Variants in HMGN3 observed in about 807,000 individuals in gnomAD.
HMGN3 encodes high mobility group nucleosome-binding domain-containing protein 3.
In HMGN3, 6 loss-of-function variants were observed where a neutral mutation model predicts 18.8. The ratio of observed to expected loss-of-function variants is 0.32; its 90% confidence interval spans 0.18 to 0.63. The LOEUF is 0.63. Among genes scored for constraint, HMGN3 ranks in the 30% least tolerant of loss-of-function variants. HMGN3 has a pLI of 0.79. For synonymous variants in HMGN3, 40 were observed against 36.5 expected (o/e 1.10, Z -0.35); for missense variants, 107 against 114.2 (o/e 0.94, Z 0.29).
intron 1 of HMGN3, among the ~76,000 whole-genome samples, chr6:79,230,938 A>T (rs955381853): frequency 1.3e-5 from 2 of 152,192 alleles, no homozygotes; most frequent in Non-Finnish European, 2.9e-5. Context: ...CCCTGTGCTA[A>T]TAAGCCCAAT....
intron 2 of HMGN3, among the ~76,000 whole-genome samples, chr6:79,213,870 C>T (rs1351939030): frequency 6.6e-6 from 1 of 152,172 alleles, no homozygotes; most frequent in African/African-American, 2.4e-5. Flanking sequence ...GTTTTTGTCT[C>T]ACCCATGACC....
chr6:79,231,429 C>G (rs1284633767), intron 1 of HMGN3, among the ~76,000 whole-genome samples: 1 of 152,136 alleles, frequency 6.6e-6, no homozygotes, highest in Non-Finnish European at 1.5e-5. Flanking sequence ...ACAGGAAACT[C>G]ACTTTTATTT....
At chr6:79,228,083 C>G (rs1777649175) in intron 1 of HMGN3, among the ~76,000 whole-genome samples, 2 of 152,334 alleles carry the variant, frequency 1.3e-5, no homozygotes, top group South Asian at 4.1e-4. Flanking sequence ...GAACAACACT[C>G]TTTCGCAGTG....
chr6:79,203,574 T>C lies in HMGN3; in HGVS notation c.147+6A>G. The C allele has an allele frequency of 6.2e-7, 1 of 1,612,404 alleles. No individual in the cohort carries two copies. ...AAAGCCAAAAGTGGGAAACAGCACT[T>C]CTTACCTTAGCAGATGTTTTTCTTG... On this transcript the variant is annotated splice_donor_region_variant and intron_variant, in intron 4 of 5. Transcript: ENST00000344726.
chr6:79,202,036 T>C, intron 5 of HMGN3, 27 bp downstream of exon 6: 1 of 1,530,468 alleles, frequency 6.5e-7, no homozygotes, highest in Non-Finnish European at 8.7e-7. Flanking sequence ...ACTGCAAACA[T>C]GCAGAATTTT....
intron 1 of HMGN3, among the ~76,000 whole-genome samples, chr6:79,231,908 G>C (rs899080347): frequency 6.6e-6 from 1 of 152,118 alleles, no homozygotes. Context: ...AGTTCCAAGA[G>C]GGCAAAAACT....
At chr6:79,204,888 TAA>T (rs1381318608) in intron 3 of HMGN3, among the ~76,000 whole-genome samples, 1 of 152,236 alleles carries the variant, frequency 6.6e-6, no homozygotes, top group African/African-American at 2.4e-5. Context: ...TTTCAGAATT[TAA>T]AACATTTTGT....
chr6:79,212,166 A>AG (rs1366250382), intron 2 of HMGN3, among the ~76,000 whole-genome samples: 2 of 152,156 alleles, frequency 1.3e-5, no homozygotes, highest in Admixed American at 1.3e-4. Flanking sequence ...CTGGATTACC[A>AG]GATTTTTAGG....
intron 1 of HMGN3, among the ~76,000 whole-genome samples, chr6:79,232,512 T>C (rs929288719): frequency 6.6e-6 from 1 of 152,098 alleles, no homozygotes; most frequent in African/African-American, 2.4e-5. Flanking sequence ...GTTTTGCCCC[T>C]AGTCTCAGGA....
exon 1 of HMGN3, chr6:79,234,639 C>G (rs981793981): frequency 7.2e-7 from 1 of 1,383,428 alleles, no homozygotes; most frequent in Non-Finnish European, 1.0e-6. Flanking sequence ...GCCTCTGCCT[C>G]TGCAGCTGCT....
At chr6:79,212,420 ACTCT>A (rs1776740908) in intron 2 of HMGN3, among the ~76,000 whole-genome samples, 1 of 151,816 alleles carries the variant, frequency 6.6e-6, no homozygotes. Context: ...ATTTTATTTT[ACTCT>A]CTCTCCCACT....
intron 2 of HMGN3, among the ~76,000 whole-genome samples, chr6:79,210,635 A>G (rs1487798401): frequency 6.6e-6 from 1 of 152,110 alleles, no homozygotes; most frequent in African/African-American, 2.4e-5. Context: ...ACTTGTAGGG[A>G]GGGGAAGAAG....
At chr6:79,213,578 G>T (rs1203623956) in intron 2 of HMGN3, among the ~76,000 whole-genome samples, 1 of 152,098 alleles carries the variant, frequency 6.6e-6, no homozygotes, top group East Asian at 1.9e-4. Flanking sequence ...TCATTTTTTG[G>T]TTGGTTCTTG....
chr6:79,224,359 GC>G (rs750257504), intron 1 of HMGN3, among the ~76,000 whole-genome samples: 1 of 152,176 alleles, frequency 6.6e-6, no homozygotes, highest in Non-Finnish European at 1.5e-5. Context: ...CTTGGGAAAT[GC>G]TTTAACCTGT....
chr6:79,234,443 C>T (rs576186797), intron 1 of HMGN3, 103 bp downstream of exon 1: 37 of 1,098,864 alleles, frequency 3.4e-5, no homozygotes, highest in Admixed American at 9.2e-5. Context: ...ATTCCCAATC[C>T]CCGGGTTACT....
chr6:79,203,272 C>T (rs1776239209), intron 4 of HMGN3, among the ~76,000 whole-genome samples: 1 of 152,156 alleles, frequency 6.6e-6, no homozygotes, highest in African/African-American at 2.4e-5. Flanking sequence ...GCAGTGCTGC[C>T]AGGGCCCAAA....
intron 1 of HMGN3, among the ~76,000 whole-genome samples, chr6:79,216,534 G>GAGCCTATC (rs777045686): frequency 1.3e-5 from 2 of 152,168 alleles, no homozygotes; most frequent in Non-Finnish European, 2.9e-5. Context: ...CCGTTACCCA[G>GAGCCTATC]AGCCTATCAT....
chr6:79,202,477 G>A, intron 4 of HMGN3, 88 bp from the exon 5 acceptor site: 1 of 1,063,988 alleles, frequency 9.4e-7, no homozygotes, highest in Middle Eastern at 2.2e-4. Context: ...CAAACACAAG[G>A]TGAAGTACAA....
chr6:79,204,388 C>T (rs909576838), intron 3 of HMGN3, among the ~76,000 whole-genome samples: 23 of 152,196 alleles, frequency 1.5e-4, no homozygotes, highest in African/African-American at 5.6e-4. Context: ...ATGAGCAGCA[C>T]CTGCACACCG....
Sources: gnomAD v4.1 joint callset for allele counts (sites outside exome capture counted in the v4.1 genomes callset) on GRCh38, gnomAD v4.1.1 for gene constraint, MANE v1.5 for transcripts, NCBI Gene and HGNC (gene_info 2026-07-23, HGNC 2026-07-21) for gene names.